The following SORCS1 variants were observed in gnomAD, a reference collection of about 807,000 sequenced individuals.
SORCS1 encodes VPS10 domain-containing receptor SorCS1.
Under a neutral mutation model 146.1 loss-of-function variants are expected in SORCS1, and 60 were observed. That is an observed-to-expected ratio of 0.41 (90% CI 0.33 to 0.51). The LOEUF is 0.51. Among genes scored for constraint, SORCS1 ranks in the 20% least tolerant of loss-of-function variants. SORCS1 has a pLI of 0.21. For missense variants in SORCS1, 1,352 were observed against 1,487.6 expected (o/e 0.91, Z 1.50); for synonymous variants, 637 against 584.0 (o/e 1.09, Z -1.31).
rs370157019 is a variant in SORCS1 at position 106,770,928 on chromosome 10, GAAT to G, written c.885+5603_885+5605del. On this transcript the variant is annotated intron_variant, in intron 4 of 25. Transcript: ENST00000263054. ...TGGTCTTGAACGTCCACAAGGGTGG[GAAT>G]TGCACAGGACAGGAGAAGAGCAGCC... Among the ~76,000 whole-genome samples the G allele has an allele frequency of 2.3e-3, 355 of 152,324 alleles. 4 individuals carry two copies. The highest frequency in any genetic ancestry group is 8.2e-3 in the African/African-American group (339 of 41,584).
chr10:107,135,619 G>C (rs899026780), intron 1 of SORCS1, among the ~76,000 whole-genome samples: 2 of 152,204 alleles, frequency 1.3e-5, no homozygotes, highest in African/African-American at 4.8e-5. Flanking sequence ...TACATTGGAA[G>C]TTTCCTAATG....
intron 3 of SORCS1, among the ~76,000 whole-genome samples, chr10:106,796,827 T>C (rs1019650721): frequency 2.6e-5 from 4 of 152,188 alleles, no homozygotes; most frequent in African/African-American, 9.6e-5. Flanking sequence ...ATAATGTACC[T>C]GGCCGGGCAC....
At chr10:107,024,949 A>G (rs1958333035) in intron 1 of SORCS1, among the ~76,000 whole-genome samples, 1 of 152,224 alleles carries the variant, frequency 6.6e-6, no homozygotes, top group South Asian at 2.1e-4. Context: ...TGGAAGAATC[A>G]GCAGAGATTT....
At chr10:106,606,290 C>T (rs996991589) in intron 23 of SORCS1, among the ~76,000 whole-genome samples, 54 of 52,140 alleles carry the variant, frequency 1.0e-3, no homozygotes, top group African/African-American at 1.8e-3. Flanking sequence ...CACACACACA[C>T]ACACACACAC....
chr10:107,132,721 G>A (rs1966953072), intron 1 of SORCS1, among the ~76,000 whole-genome samples: 3 of 152,128 alleles, frequency 2.0e-5, no homozygotes, highest in Non-Finnish European at 1.5e-5. Context: ...TCAAACAATC[G>A]ATGTGCTGAT....
At chr10:106,766,816 C>G (rs1167497271) in intron 4 of SORCS1, among the ~76,000 whole-genome samples, 3 of 152,132 alleles carry the variant, frequency 2.0e-5, no homozygotes, top group African/African-American at 7.2e-5. Flanking sequence ...TTGTAGTGGC[C>G]TATGTTGTAG....
chr10:107,154,008 CTTTT>C (rs71025579), intron 1 of SORCS1, among the ~76,000 whole-genome samples: 2 of 94,036 alleles, frequency 2.1e-5, no homozygotes, highest in African/African-American at 4.1e-5. Flanking sequence ...CTTTTCTTTT[CTTTT>C]TTTTTTTTTT....
At chr10:106,697,892 A>G (rs1002062344) in intron 9 of SORCS1, among the ~76,000 whole-genome samples, 1 of 152,244 alleles carries the variant, frequency 6.6e-6, no homozygotes, top group African/African-American at 2.4e-5. Flanking sequence ...AAACTAAATC[A>G]TCACAATATG....
chr10:106,822,610 G>A (rs1450649627), intron 3 of SORCS1, among the ~76,000 whole-genome samples: 1 of 152,110 alleles, frequency 6.6e-6, no homozygotes, highest in Non-Finnish European at 1.5e-5. Context: ...TTCATGGACT[G>A]AAACAGTATA....
At chr10:107,171,070 A>G in the SORCS1 span, among the ~76,000 whole-genome samples, 433 of 152,346 alleles carry the variant, frequency 2.8e-3, 2 homozygotes, top group African/African-American at 9.6e-3. Flanking sequence ...GTGAACACTC[A>G]ATACATGTTA....
At chr10:106,929,730 C>G (rs1188868193) in intron 2 of SORCS1, among the ~76,000 whole-genome samples, 1 of 151,804 alleles carries the variant, frequency 6.6e-6, no homozygotes, top group Non-Finnish European at 1.5e-5. Flanking sequence ...CTATAACAAA[C>G]AAATGACCAC....
intron 1 of SORCS1, among the ~76,000 whole-genome samples, chr10:106,976,627 G>T (rs528006911): frequency 2.6e-5 from 4 of 152,130 alleles, no homozygotes; most frequent in Admixed American, 2.6e-4. Context: ...CACCGCGCCC[G>T]GCTGCCATCA....
chr10:107,064,212 C>T (rs186807815), intron 1 of SORCS1, among the ~76,000 whole-genome samples: 22 of 152,184 alleles, frequency 1.4e-4, no homozygotes, highest in Non-Finnish European at 2.5e-4. Context: ...GAATACGGTA[C>T]CAGCAGCTGG....
At chr10:106,891,754 GA>G (rs1250846381) in intron 2 of SORCS1, among the ~76,000 whole-genome samples, 1 of 152,098 alleles carries the variant, frequency 6.6e-6, no homozygotes, top group Admixed American at 6.6e-5. Context: ...CAGCATCAAA[GA>G]AGATTTTTGT....
At chr10:106,993,898 C>G (rs1218918491) in intron 1 of SORCS1, among the ~76,000 whole-genome samples, 4 of 151,634 alleles carry the variant, frequency 2.6e-5, no homozygotes, top group African/African-American at 4.8e-5. Context: ...CATGGTGAAA[C>G]CCCATCTCTA....
At chr10:106,890,480 G>A (rs532434906) in intron 2 of SORCS1, among the ~76,000 whole-genome samples, 3 of 152,200 alleles carry the variant, frequency 2.0e-5, no homozygotes, top group South Asian at 2.1e-4. Context: ...AAAAACAAAG[G>A]TCTATATAAT....
intron 5 of SORCS1, among the ~76,000 whole-genome samples, chr10:106,739,692 C>T (rs1589776165): frequency 6.6e-6 from 1 of 151,808 alleles, no homozygotes; most frequent in South Asian, 2.1e-4. Flanking sequence ...GTGGCGAGCG[C>T]CGTAATCCCA....
chr10:107,134,282 T>A (rs1967091400), intron 1 of SORCS1, among the ~76,000 whole-genome samples: 1 of 152,206 alleles, frequency 6.6e-6, no homozygotes, highest in Admixed American at 6.5e-5. Flanking sequence ...AACTTTACGC[T>A]TTTAACTCCT....
chr10:106,981,385 G>A (rs1956240473), intron 1 of SORCS1, among the ~76,000 whole-genome samples: 1 of 152,090 alleles, frequency 6.6e-6, no homozygotes, highest in African/African-American at 2.4e-5. Flanking sequence ...GCTCTTTTTT[G>A]AGGTTAAAAA....
Sources: allele counts gnomAD v4.1 joint callset (sites outside exome capture counted in the v4.1 genomes callset), GRCh38; gene constraint gnomAD v4.1.1; transcripts MANE v1.5; gene names NCBI Gene and HGNC (gene_info 2026-07-23, HGNC 2026-07-21).